Variants in NFIX observed in about 807,000 individuals in gnomAD.
NFIX encodes the protein nuclear factor 1 X-type.
Under a neutral mutation model 53.3 loss-of-function variants are expected in NFIX, and 2 were observed. The ratio of observed to expected loss-of-function variants is 0.04; its 90% confidence interval spans 0.02 to 0.12. NFIX has a LOEUF of 0.12. NFIX is among the 10% of genes least tolerant of loss of function. NFIX has a pLI of 1.00. For missense variants in NFIX, 310 were observed against 674.5 expected (o/e 0.46, Z 5.99); for synonymous variants, 244 against 289.0 (o/e 0.84, Z 1.58).
rs772344456 is a variant in NFIX at position 13,081,670 on chromosome 19, G to T, written c.1079-10G>T. On this transcript the variant is annotated splice_polypyrimidine_tract_variant and intron_variant, in intron 7 of 10. Transcript: ENST00000592199. This position sits in a 1 kb window ranked among gnomAD's most constrained non-coding sequence, Gnocchi z 4.7. ...CTGACGCCCTTTTTTCCCTGCCCAC[G>T]TGCATGCAGGGAGCCCCCGGGCCAC... is the stretch of plus-strand genomic sequence containing the variant. The T allele has an allele frequency of 6.8e-6, 11 of 1,610,050 alleles. No homozygotes were observed. Among genetic ancestry groups the T allele is most frequent in the Admixed American group, 6.7e-5 (4 of 59,908 alleles).
At chr19:13,035,321 A>T (rs1435555457) in intron 2 of NFIX, among the ~76,000 whole-genome samples, 1 of 151,348 alleles carries the variant, frequency 6.6e-6, no homozygotes, top group East Asian at 1.9e-4. Context: ...TTCCCCTTTC[A>T]CCTCCCCCTG....
At chr19:12,999,361 A>G (rs1263961439) in intron 1 of NFIX, among the ~76,000 whole-genome samples, 1 of 151,712 alleles carries the variant, frequency 6.6e-6, no homozygotes, top group Admixed American at 6.6e-5. Context: ...TTTAGTGAAG[A>G]TGGGGTTTCA....
At position 13,078,534 on chromosome 19, in the gene NFIX, G is replaced by A. The variant is rs558053298; in HGVS notation, c.956-79G>A. ...GGGAGGGGCTGAGGAGAGAAGGAGC[G>A]AGCTGCTGGCTTCCCGCCTTCCCCG... On this transcript the variant is annotated intron_variant, in intron 6 of 10. Transcript: ENST00000592199. The surrounding 1 kb of genome is among the most constrained non-coding windows in gnomAD (Gnocchi z 4.7). 1.1e-4 allele frequency: 172 copies of A among 1,501,802 alleles called. 2 individuals are homozygous for A. In the South Asian group the frequency reaches 2.0e-3, roughly 17 times the overall value. 93.0% of individuals were successfully genotyped at this position (1,501,802 alleles called of 1,614,324 possible).
At chr19:13,074,292 C>G (rs1306329572) in intron 5 of NFIX, among the ~76,000 whole-genome samples, 1 of 152,120 alleles carries the variant, frequency 6.6e-6, no homozygotes, top group Non-Finnish European at 1.5e-5. Context: ...CCAAGAAGGT[C>G]TCTGTCTTGG....
intron 1 of NFIX, among the ~76,000 whole-genome samples, chr19:13,017,191 C>T (rs1039686544): frequency 4.6e-5 from 7 of 151,826 alleles, no homozygotes; most frequent in South Asian, 2.1e-4. Context: ...GAAAGGGAGC[C>T]GGGGAGGGAC....
rs1018166461 is a variant in NFIX at position 13,066,192 on chromosome 19, G to C, written c.560-6855G>C. Reference sequence around the variant, plus strand: ...CCGAAGCCTTACTGCCGAGCTGTGAGTCCTGTAGTAGCCAGGCCTGGCACT... The same window carrying C: ...CCGAAGCCTTACTGCCGAGCTGTGACTCCTGTAGTAGCCAGGCCTGGCACT... On this transcript the variant is annotated intron_variant, in intron 2 of 10. Coordinates refer to ENST00000592199, the MANE Select transcript of NFIX (RefSeq NM_001365902.3). The surrounding 1 kb of genome is among the most constrained non-coding windows in gnomAD (Gnocchi z 4.2). Among the ~76,000 whole-genome samples the C allele has an allele frequency of 5.3e-5, 8 of 152,194 alleles. No homozygotes were observed. The highest frequency in any genetic ancestry group is 1.0e-4 in the Non-Finnish European group (7 of 68,022).
At position 13,051,618 on chromosome 19, in the gene NFIX, A is replaced by G. The variant is rs1388233115; in HGVS notation, c.560-21429A>G. 6.6e-6 allele frequency among the ~76,000 whole-genome samples: 1 copy of G among 152,104 alleles called. No individual in the cohort carries two copies. Among genetic ancestry groups the G allele is most frequent in the Non-Finnish European group, 1.5e-5 (1 of 68,014 alleles). On this transcript the variant is annotated intron_variant, in intron 2 of 10. Transcript: ENST00000592199. The surrounding 1 kb of genome is among the most constrained non-coding windows in gnomAD (Gnocchi z 5.1). ...CGGGGAGGAGACAGCCTCTCAGGCG[A>G]GTGAGCTCTAGAGGCCCTTCCTCGG...
At chr19:13,003,228 G>A (rs866314528) in intron 1 of NFIX, among the ~76,000 whole-genome samples, 27 of 152,030 alleles carry the variant, frequency 1.8e-4, no homozygotes, top group Middle Eastern at 6.8e-3. Flanking sequence ...AGACACAGGC[G>A]TCCCCATACA....
Position 13,098,263 on chromosome 19 carries a change from TC to T in NFIX, c.*3621del, listed in dbSNP as rs1227770266. 2.4e-4 allele frequency: 4 copies of T among 16,676 alleles called. No homozygotes were observed. The highest frequency in any genetic ancestry group is 5.6e-4 in the Admixed American group (1 of 1,774). The allele number at this position is 16,676 out of a possible 1,614,324, so 1.0% of individuals were successfully genotyped here. Reference sequence around the variant, plus strand: ...AGGGGCACCCCAGCCCCGCCTCTGCTCCCCCCCACCCCACCCACCCTCGGGG... The same window carrying T: ...AGGGGCACCCCAGCCCCGCCTCTGCTCCCCCCACCCCACCCACCCTCGGGG... On this transcript the variant is annotated 3_prime_UTR_variant, in exon 11 of 11. Transcript: ENST00000592199.
Position 13,095,253 on chromosome 19 carries a change from G to T in NFIX, c.*604G>T, listed in dbSNP as rs543911473. The stretch of plus-strand genomic sequence containing the variant: ...TTCCCCCAGCTGCTCCCGACCAGGA[G>T]GGGGAGAGCAGCCTCCACTTACCCC... On this transcript the variant is annotated 3_prime_UTR_variant, in exon 11 of 11. Transcript: ENST00000592199. 2 of 147,900 alleles carry T rather than the reference G, an allele frequency of 1.4e-5. No homozygotes were observed. Among genetic ancestry groups the T allele is most frequent in the Non-Finnish European group, 3.0e-5 (2 of 66,956 alleles). The allele number at this position is 147,900 out of a possible 1,614,324, so 9.2% of individuals were successfully genotyped here. A position where few individuals can be genotyped will look rare whatever the true frequency, so the allele number is the denominator to read the frequency against.
intron 2 of NFIX, chr19:13,070,653 G>A (rs535251311): frequency 6.6e-6 from 1 of 152,648 alleles, no homozygotes; most frequent in East Asian, 1.9e-4. Flanking sequence ...CCAGCCGTAA[G>A]ATGGCTGCCA....
rs1038199299 is a variant in NFIX, at chr19:13,052,955, C to T, written c.560-20092C>T. ...TCCAGACAGAAACCTGCCTTCTCCTCCATCCCCACTTGAAGCTGCTGGTAC... is the reference window on the plus strand; with the variant it reads ...TCCAGACAGAAACCTGCCTTCTCCTTCATCCCCACTTGAAGCTGCTGGTAC... On this transcript the variant is annotated intron_variant, in intron 2 of 10. Coordinates refer to ENST00000592199, the MANE Select transcript of NFIX (RefSeq NM_001365902.3). This position sits in a 1 kb window ranked among gnomAD's most constrained non-coding sequence, Gnocchi z 5.2. 3.9e-5 allele frequency among the ~76,000 whole-genome samples: 6 copies of T among 152,238 alleles called. No homozygotes were observed. Among genetic ancestry groups the T allele is most frequent in the Admixed American group, 3.9e-4 (6 of 15,292 alleles).
chr19:13,074,845 G>C lies in NFIX; in HGVS notation c.819-690G>C, dbSNP rs563696463. On this transcript the variant is annotated intron_variant, in intron 5 of 10. Transcript: ENST00000592199. ...AGCACTTTGGGAGGCCGAGATGGGC[G>C]GATCACGAGGTCAGGAGATTGAGAC... 2.5e-3 allele frequency among the ~76,000 whole-genome samples: 384 copies of C among 151,908 alleles called. 1 individual carries two copies. The highest frequency in any genetic ancestry group is 3.9e-3 in the Non-Finnish European group (268 of 67,926).
intron 1 of NFIX, chr19:13,024,104 G>GAAA: frequency 2.4e-6 from 1 of 422,780 alleles, no homozygotes; most frequent in Non-Finnish European, 4.0e-6. Flanking sequence ...CTTCAAACAA[G>GAAA]CAAACAACCA....
In NFIX at chr19:13,075,660, A is replaced by T; in HGVS notation, c.944A>T (p.Asp315Val). The change falls in exon 6 of 11, where the codon GAT (aspartate) becomes GTT (valine). Residue 315 changes from aspartate to valine, a missense_variant. Coordinates refer to ENST00000592199, the MANE Select transcript of NFIX (RefSeq NM_001365902.3). ...AGCCAGTCCAGCGGGTGGCCCAACG[A>T]TGTGGATGCAGGTATGGGTGCGGGG... Reference protein sequence around the residue: ...GSSQSSGWPNDVDAGPASLKK... With the variant: ...GSSQSSGWPNVVDAGPASLKK... 6.2e-7 allele frequency: 1 copy of T among 1,613,550 alleles called. No homozygotes were observed. The highest frequency in any genetic ancestry group is 2.2e-5 in the East Asian group (1 of 44,872).
At chr19:13,069,217 G>A (rs1180717083) in intron 2 of NFIX, among the ~76,000 whole-genome samples, 2 of 152,182 alleles carry the variant, frequency 1.3e-5, no homozygotes, top group Non-Finnish European at 2.9e-5. Context: ...GACTGGGAGG[G>A]TGGTTGGGTG....
chr19:13,055,050 C>G (rs2015567042), intron 2 of NFIX, among the ~76,000 whole-genome samples: 1 of 151,942 alleles, frequency 6.6e-6, no homozygotes. Flanking sequence ...CCCACTTTTC[C>G]CTTCCTTCTC....
chr19:13,018,171 G>A (rs936760860), intron 1 of NFIX, among the ~76,000 whole-genome samples: 4 of 152,126 alleles, frequency 2.6e-5, no homozygotes, highest in African/African-American at 7.2e-5. Flanking sequence ...AGAATAGATT[G>A]TCTCCCCTAA....
intron 2 of NFIX, among the ~76,000 whole-genome samples, chr19:13,026,189 C>G (rs1367216765): frequency 6.6e-6 from 1 of 152,082 alleles, no homozygotes; most frequent in Admixed American, 6.5e-5. Context: ...AATTTGATTT[C>G]ATAGAGAGTG....
Sources: allele counts gnomAD v4.1 joint callset (sites outside exome capture counted in the v4.1 genomes callset), GRCh38; gene constraint gnomAD v4.1.1; non-coding constraint Gnocchi (gnomAD v3.1); transcripts MANE v1.5; gene names NCBI Gene and HGNC (gene_info 2026-07-23, HGNC 2026-07-21).